TPRA1: variants seen among roughly 807,000 people sequenced by gnomAD.
TPRA1 encodes the protein transmembrane protein adipocyte-associated 1.
In TPRA1, 28 loss-of-function variants were observed where a neutral mutation model predicts 40.1. The observed-to-expected ratio is 0.70, with a 90% CI of 0.52 to 0.96. TPRA1 has a LOEUF of 0.96. Ranked by LOEUF, TPRA1 falls within the 40% of genes least tolerant of loss-of-function variation. The probability of loss-of-function intolerance (pLI) is 0.00; values close to 1 mark genes in which losing one functional copy is unlikely to be tolerated. For missense variants in TPRA1, 441 were observed against 482.6 expected, an observed-to-expected ratio of 0.91 and a Z score of 0.81; for synonymous variants, 219 against 209.7, an observed-to-expected ratio of 1.04 and a Z score of -0.38.
intron 1 of TPRA1, among the ~76,000 whole-genome samples, chr3:127,584,708 G>A (rs903667075): frequency 4.6e-5 from 7 of 152,092 alleles, no homozygotes; most frequent in African/African-American, 1.4e-4. Flanking sequence ...AACTGGACAC[G>A]AGCTGAGACA....
intron 1 of TPRA1, among the ~76,000 whole-genome samples, chr3:127,583,694 CA>C (rs2073905928): frequency 6.7e-6 from 1 of 149,848 alleles, no homozygotes; most frequent in Non-Finnish European, 1.5e-5. Context: ...TTTTTTGAGA[CA>C]TTGTCTTGCT....
At chr3:127,595,159 A>G (rs2074229042), upstream of TPRA1, among the ~76,000 whole-genome samples, 1 of 152,262 alleles carries the variant, frequency 6.6e-6, no homozygotes, top group South Asian at 2.1e-4. Flanking sequence ...AGGAGATCAC[A>G]CAAGGGTGTG....
intron 1 of TPRA1, among the ~76,000 whole-genome samples, chr3:127,586,609 T>A: frequency 6.6e-6 from 1 of 152,246 alleles, no homozygotes; most frequent in East Asian, 1.9e-4. Flanking sequence ...TCCACCTGCC[T>A]GAGCCTCCCA....
At chr3:127,597,388 C>A (rs1576408047) in intron 1 of TPRA1, among the ~76,000 whole-genome samples, 1 of 152,256 alleles carries the variant, frequency 6.6e-6, no homozygotes, top group African/African-American at 2.4e-5. Context: ...CACTAGTTCA[C>A]GTCTCACCCT....
At position 127,576,597 on chromosome 3, in the gene TPRA1, G is replaced by A. The variant is rs767533364; in HGVS notation, c.498+20C>T. 1 of 1,575,128 alleles carries A rather than the reference G, an allele frequency of 6.3e-7. No individual in the cohort carries two copies. The highest frequency in any genetic ancestry group is 1.8e-5 in the Admixed American group (1 of 56,024). On this transcript the variant is annotated intron_variant, in intron 6 of 10. Coordinates refer to ENST00000355552, the MANE Select transcript of TPRA1 (RefSeq NM_001136053.4). The surrounding 1 kb of genome is among the most constrained non-coding windows in gnomAD (Gnocchi z 4.6). ...GGTGCCCTGACTCCTAGCGTCCCCT[G>A]CCCACACTCACCCTCTTACCTGGGT... is the stretch of plus-strand genomic sequence containing the variant.
intron 3 of TPRA1, among the ~76,000 whole-genome samples, chr3:127,578,287 T>C (rs948145426): frequency 2.6e-5 from 4 of 152,224 alleles, no homozygotes; most frequent in African/African-American, 9.6e-5. Context: ...GACGACTTCA[T>C]AGGTGCTCAC....
intron 1 of TPRA1, among the ~76,000 whole-genome samples, chr3:127,583,737 C>A (rs2073907274): frequency 6.6e-6 from 1 of 151,300 alleles, no homozygotes; most frequent in African/African-American, 2.4e-5. Flanking sequence ...GTGGCGTGAT[C>A]TCGGCTCATT....
intron 10 of TPRA1, 119 bp downstream of exon 10, chr3:127,575,066 G>A: frequency 9.4e-7 from 1 of 1,062,334 alleles, no homozygotes; most frequent in Non-Finnish European, 1.4e-6. Flanking sequence ...GTATGTATGT[G>A]CGTGCGCATG....
At chr3:127,588,418 C>CTTTTT (rs34353913) in intron 1 of TPRA1, among the ~76,000 whole-genome samples, 1 of 132,508 alleles carries the variant, frequency 7.5e-6, no homozygotes, top group African/African-American at 2.9e-5. Context: ...GAAGCACTGA[C>CTTTTT]TTTTTTTTTT....
chr3:127,575,671 C>G, intron 8 of TPRA1, 78 bp downstream of exon 8: 1 of 1,563,088 alleles, frequency 6.4e-7, no homozygotes, highest in Non-Finnish European at 8.8e-7. Context: ...GCTCCAGCTC[C>G]CAGCTACCAG....
upstream of TPRA1, among the ~76,000 whole-genome samples, chr3:127,592,382 T>G (rs1489566841): frequency 3.7e-4 from 52 of 140,874 alleles, no homozygotes; most frequent in African/African-American, 1.2e-3. Context: ...TTTTTTTTTT[T>G]TTTTTTTTTT....
chr3:127,583,641 G>C (rs1361264623), intron 1 of TPRA1, among the ~76,000 whole-genome samples: 2 of 152,040 alleles, frequency 1.3e-5, no homozygotes, highest in Non-Finnish European at 2.9e-5. Context: ...ACTGTTGGGA[G>C]GGGGGCAAAG....
At chr3:127,577,471 T>C (rs1338898425) in intron 3 of TPRA1, among the ~76,000 whole-genome samples, 1 of 152,114 alleles carries the variant, frequency 6.6e-6, no homozygotes, top group East Asian at 1.9e-4. Context: ...CAAAACCTAC[T>C]GTGTTTGATT....
rs374195678 is a variant in TPRA1 at position 127,573,526 on chromosome 3, C to T, written c.1117G>A (p.Ala373Thr). ...ACAGGCCCTGGCAGCTGCCCTCAGGCATTGATGGCCTTCCAGCGCTCGCTG... is the reference window on the plus strand; with the variant it reads ...ACAGGCCCTGGCAGCTGCCCTCAGGTATTGATGGCCTTCCAGCGCTCGCTG... ...TDSERWKAIN[A>T] The change falls in exon 11 of 11, where the codon GCC becomes ACC. Residue 373 changes from alanine to threonine, a missense_variant. Physicochemically the swap from Ala to Thr is moderately conservative, Grantham distance 58. Transcript: ENST00000355552. 1.5e-5 allele frequency: 24 copies of T among 1,610,396 alleles called. No individual in the cohort carries two copies. Among genetic ancestry groups the T allele is most frequent in the Non-Finnish European group, 2.0e-5 (23 of 1,178,560 alleles).
In TPRA1 at chr3:127,575,761, T is replaced by C; in HGVS notation, c.658A>G (p.Ile220Val). ...GCCAGCTGCTCACAAGGCAGGGAGA[T>C]GCGCTCCTTCAGCGGGGTCTTGGGA... ...ILPKTPLKERISLPSRRSFYV... is the reference protein window; with the variant it reads ...ILPKTPLKERVSLPSRRSFYV... The change falls in exon 8 of 11, where the codon ATC becomes GTC. Residue 220 changes from isoleucine to valine, a missense_variant. Physicochemically the swap from Ile to Val is conservative, Grantham distance 29 (BLOSUM62 3). Transcript: ENST00000355552. 6.2e-7 allele frequency: 1 copy of C among 1,613,608 alleles called. No individual in the cohort carries two copies. The highest frequency in any genetic ancestry group is 8.5e-7 in the Non-Finnish European group (1 of 1,179,942).
chr3:127,589,417 G>T (rs773470159), intron 1 of TPRA1, among the ~76,000 whole-genome samples: 11 of 152,122 alleles, frequency 7.2e-5, no homozygotes, highest in Non-Finnish European at 1.5e-4. Context: ...AGGGCCTAAG[G>T]GTGGTGAGAA....
rs1163065087 is a variant in TPRA1 at position 127,584,447 on chromosome 3, T to TAAAAAAA, written c.-17-4291_-17-4285dup. 5.6e-3 allele frequency among the ~76,000 whole-genome samples: 117 copies of TAAAAAAA among 20,850 alleles called. 12 individuals carry two copies. The highest frequency in any genetic ancestry group is 0.01 in the East Asian group (4 of 382). The allele number at this position is 20,850 out of a possible 152,430, so 13.7% of individuals were successfully genotyped here. A position where few individuals can be genotyped will look rare whatever the true frequency, so the allele number is the denominator to read the frequency against. On this transcript the variant is annotated intron_variant, in intron 1 of 10. Transcript: ENST00000355552. ...CTGGGCCACAGAGTGAGACCCTGTCTAAAAAAAAAAAAAAAAAAAAAAAAA... is the reference window on the plus strand; with the variant it reads ...CTGGGCCACAGAGTGAGACCCTGTCTAAAAAAAAAAAAAAAAAAAAAAAAAAAAAAAA...
chr3:127,589,652 C>A (rs1040904432), intron 1 of TPRA1, among the ~76,000 whole-genome samples: 1 of 152,128 alleles, frequency 6.6e-6, no homozygotes. Flanking sequence ...TTCCTCAGGG[C>A]CTTTGGGCTG....
Position 127,573,697 on chromosome 3 carries a change from G to T in TPRA1, c.946C>A (p.Arg316=). The change falls in exon 11 of 11, where the codon CGG becomes AGG. Residue 316 remains arginine (R), a synonymous_variant. Coordinates refer to ENST00000355552, the MANE Select transcript of TPRA1 (RefSeq NM_001136053.4). ...CCTGCAGCCTCCAGGCCCTCCCGCCGGGCCACAGCGTAGGGCTGGGGTAGG... is the reference window on the plus strand; with the variant it reads ...CCTGCAGCCTCCAGGCCCTCCCGCCTGGCCACAGCGTAGGGCTGGGGTAGG... The part of the protein sequence containing the change: ...VHLPQPYAVA[R]REGLEAAGAA... 6.2e-7 allele frequency: 1 copy of T among 1,613,452 alleles called. No homozygotes were observed. The highest frequency in any genetic ancestry group is 8.5e-7 in the Non-Finnish European group (1 of 1,179,776).
Sources: gnomAD v4.1 joint callset for allele counts (sites outside exome capture counted in the v4.1 genomes callset) on GRCh38, gnomAD v4.1.1 for gene constraint, Gnocchi (gnomAD v3.1) non-coding constraint, MANE v1.5 for transcripts, NCBI Gene and HGNC (gene_info 2026-07-23, HGNC 2026-07-21) for gene names.